PRKN: variants seen among roughly 807,000 people sequenced by gnomAD.
The protein encoded by PRKN is E3 ubiquitin-protein ligase parkin.
PRKN carries 56 observed loss-of-function variants against 59.5 expected under a neutral mutation model. The observed-to-expected ratio is 0.94, with a 90% CI of 0.76 to 1.18. The LOEUF (loss-of-function observed/expected upper bound fraction) is 1.18, where lower values mean the gene tolerates loss of function less well. PRKN is among the 50% of genes most tolerant of loss of function. PRKN has a pLI of 0.00. For missense variants in PRKN, 657 were observed against 596.4 expected (o/e 1.10, Z -1.06); for synonymous variants, 250 against 222.1 (o/e 1.13, Z -1.12).
chr6:162,289,049 A>C (rs1357324313), intron 2 of PRKN, among the ~76,000 whole-genome samples: 1 of 152,140 alleles, frequency 6.6e-6, no homozygotes, highest in Non-Finnish European at 1.5e-5. Flanking sequence ...TGGGTTTCCT[A>C]GGATGGCAGT....
In PRKN at chr6:161,360,187, T is replaced by C. The variant is rs539917500; in HGVS notation, c.1186A>G (p.Arg396Gly). ...TCCCAACGAGCCTGCTCGGCGGCTC[T>C]TTCATCGACTCTGTAGGCCTGGGGA... ...TTTQAYRVDE[R>G]AAEQARWEAA... Residue 396 changes from arginine (R) to glycine (G), a missense_variant, in exon 11 of 12, where the codon AGA (arginine) becomes GGA (glycine). By Grantham distance (125) the Arg-to-Gly change is moderately radical. Coordinates refer to ENST00000366898, the MANE Select transcript of PRKN (RefSeq NM_004562.3). The surrounding 1 kb of genome is among the most constrained non-coding windows in gnomAD (Gnocchi z 5.1). 29 of 1,613,984 alleles carry C rather than the reference T, an allele frequency of 1.8e-5. No individual in the cohort carries two copies. The East Asian group carries it at 6.2e-4, about 35-fold the overall frequency.
chr6:162,689,765 G>A (rs998395683), intron 1 of PRKN, among the ~76,000 whole-genome samples: 5 of 152,124 alleles, frequency 3.3e-5, no homozygotes, highest in African/African-American at 7.2e-5. Context: ...AAATAACAGG[G>A]GCAACAGGCT....
At position 161,498,384 on chromosome 6, in the gene PRKN, G is replaced by T. The variant is rs141121742; in HGVS notation, c.1083+50470C>A. Among the ~76,000 whole-genome samples the T allele has an allele frequency of 2.3e-3, 345 of 152,250 alleles. No individual in the cohort carries two copies. Among genetic ancestry groups the T allele is most frequent in the Non-Finnish European group, 3.8e-3 (258 of 68,026 alleles). ...CTCAGTAAATAAAAGCTCACTCTCT[G>T]GTTTGGAATTCAAGCCTCCTCCCAA... On this transcript the variant is annotated intron_variant, in intron 9 of 11. Coordinates refer to ENST00000366898, the MANE Select transcript of PRKN (RefSeq NM_004562.3). The surrounding 1 kb of genome is among the most constrained non-coding windows in gnomAD (Gnocchi z 4.2).
intron 1 of PRKN, among the ~76,000 whole-genome samples, chr6:162,602,433 ACT>A (rs1432921298): frequency 6.6e-6 from 1 of 152,192 alleles, no homozygotes; most frequent in Non-Finnish European, 1.5e-5. Flanking sequence ...AAGCCAGAAC[ACT>A]GTGTCTTGCA....
chr6:162,477,603 C>T (rs563748317), intron 1 of PRKN, among the ~76,000 whole-genome samples: 9 of 152,294 alleles, frequency 5.9e-5, no homozygotes, highest in African/African-American at 2.2e-4. Flanking sequence ...CAGGTGTTCA[C>T]AGTCCTTTAC....
intron 7 of PRKN, among the ~76,000 whole-genome samples, chr6:161,625,667 T>C (rs762727374): frequency 6.6e-6 from 1 of 152,210 alleles, no homozygotes; most frequent in African/African-American, 2.4e-5. Flanking sequence ...GGCGGCTACG[T>C]AGAACCACTT....
intron 5 of PRKN, among the ~76,000 whole-genome samples, chr6:162,014,713 G>GCT (rs914190604): frequency 2.6e-5 from 4 of 151,982 alleles, no homozygotes; most frequent in African/African-American, 9.7e-5. Flanking sequence ...CTGACACCTG[G>GCT]CTCTCTCTCC....
intron 9 of PRKN, among the ~76,000 whole-genome samples, chr6:161,490,827 G>A (rs539536602): frequency 9.2e-5 from 14 of 152,182 alleles, no homozygotes; most frequent in African/African-American, 2.4e-4. Flanking sequence ...CCATCCCATC[G>A]GTGCTGTTCT....
At chr6:162,643,314 C>A (rs1228694702) in intron 1 of PRKN, among the ~76,000 whole-genome samples, 1 of 143,868 alleles carries the variant, frequency 7.0e-6, no homozygotes, top group Non-Finnish European at 1.5e-5. Flanking sequence ...AGGAGAATTG[C>A]CTGAACCCAG....
chr6:161,962,243 C>A (rs1055221412), intron 6 of PRKN, among the ~76,000 whole-genome samples: 1 of 152,132 alleles, frequency 6.6e-6, no homozygotes, highest in African/African-American at 2.4e-5. Flanking sequence ...TAGTGCTAAT[C>A]ACTAAAAAGT....
chr6:161,885,696 C>T (rs1795122719), intron 6 of PRKN, among the ~76,000 whole-genome samples: 2 of 150,242 alleles, frequency 1.3e-5, no homozygotes, highest in Non-Finnish European at 3.0e-5. Context: ...ATGTCTGAGC[C>T]CTCCTGTAGA....
intron 9 of PRKN, among the ~76,000 whole-genome samples, chr6:161,408,075 G>A (rs1787359458): frequency 6.6e-6 from 1 of 152,092 alleles, no homozygotes; most frequent in African/African-American, 2.4e-5. Flanking sequence ...ACATGGACAG[G>A]CTTGACAAAA....
At position 162,654,784 on chromosome 6, in the gene PRKN, A is replaced by G. The variant is rs557354656; in HGVS notation, c.7+72878T>C. On this transcript the variant is annotated intron_variant, in intron 1 of 11. Transcript: ENST00000366898. ...TCAGGAAACTTACAATCATGGCGGA[A>G]GGGGAAGCAAACACTTCTTTCTAAA... Among the ~76,000 whole-genome samples the G allele has an allele frequency of 3.9e-5, 6 of 152,280 alleles. No homozygotes were observed. The South Asian group carries it at 1.2e-3, about 32-fold the overall frequency.
intron 8 of PRKN, among the ~76,000 whole-genome samples, chr6:161,563,512 T>C (rs1780530544): frequency 6.6e-6 from 1 of 152,166 alleles, no homozygotes; most frequent in Non-Finnish European, 1.5e-5. Context: ...TGATAATGTC[T>C]TTGCCAAAGA....
At chr6:161,874,963 A>T (rs1332675443) in intron 6 of PRKN, among the ~76,000 whole-genome samples, 4 of 91,282 alleles carry the variant, frequency 4.4e-5, no homozygotes, top group Non-Finnish European at 7.4e-5. Flanking sequence ...CTTTATATAT[A>T]ATATATAATT....
chr6:162,611,709 G>T (rs941815819), intron 1 of PRKN, among the ~76,000 whole-genome samples: 5 of 152,212 alleles, frequency 3.3e-5, no homozygotes. Context: ...TTCCACTTGA[G>T]AAGTTTCCTG....
At chr6:162,693,864 C>G (rs1028013358) in intron 1 of PRKN, among the ~76,000 whole-genome samples, 1 of 152,148 alleles carries the variant, frequency 6.6e-6, no homozygotes, top group African/African-American at 2.4e-5. Context: ...TAACATGATA[C>G]ACATATGTTA....
chr6:162,008,585 G>C (rs1164174799), intron 5 of PRKN, among the ~76,000 whole-genome samples: 1 of 152,094 alleles, frequency 6.6e-6, no homozygotes, highest in Non-Finnish European at 1.5e-5. Context: ...AACCCCAGGA[G>C]AATCTGGAAA....
intron 6 of PRKN, among the ~76,000 whole-genome samples, chr6:161,966,854 C>A (rs3018089): frequency 6.6e-6 from 1 of 152,010 alleles, no homozygotes; most frequent in African/African-American, 2.4e-5. Context: ...TGTTTTGAGA[C>A]GGAGTCTCGC....
Sources: gnomAD v4.1 joint callset for allele counts (sites outside exome capture counted in the v4.1 genomes callset) on GRCh38, gnomAD v4.1.1 for gene constraint, Gnocchi (gnomAD v3.1) non-coding constraint, MANE v1.5 for transcripts, NCBI Gene and HGNC (gene_info 2026-07-23, HGNC 2026-07-21) for gene names.